BCAS3: variants seen among roughly 807,000 people sequenced by gnomAD.
The protein encoded by BCAS3 is BCAS4/BCAS3 fusion.
In BCAS3, 53 loss-of-function variants were observed where a neutral mutation model predicts 116.1. The observed-to-expected ratio is 0.46, with a 90% CI of 0.37 to 0.57. The LOEUF is 0.57. Ranked by LOEUF, BCAS3 falls within the 20% of genes least tolerant of loss-of-function variation. The pLI is 0.00. For missense variants in BCAS3, 917 were observed against 1,165.4 expected (o/e 0.79, Z 3.10); for synonymous variants, 391 against 408.2 (o/e 0.96, Z 0.51).
intron 22 of BCAS3, among the ~76,000 whole-genome samples, chr17:61,321,515 C>T (rs907622919): frequency 6.6e-6 from 1 of 152,160 alleles, no homozygotes; most frequent in African/African-American, 2.4e-5. Flanking sequence ...CATTTGATGT[C>T]GGGCGGTAAG....
chr17:60,768,269 G>T (rs1015544554), intron 6 of BCAS3, among the ~76,000 whole-genome samples: 1 of 152,236 alleles, frequency 6.6e-6, no homozygotes, highest in Non-Finnish European at 1.5e-5. Flanking sequence ...TATTGATCAA[G>T]GATGTGTCTG....
intron 22 of BCAS3, among the ~76,000 whole-genome samples, chr17:61,271,646 G>A (rs996004245): frequency 5.0e-5 from 7 of 139,224 alleles, no homozygotes; most frequent in African/African-American, 1.9e-4. Context: ...TAGTAGAGAC[G>A]GGGTTTCACC....
chr17:61,359,602 T>C (rs771345252), intron 22 of BCAS3, among the ~76,000 whole-genome samples: 20 of 152,144 alleles, frequency 1.3e-4, no homozygotes, highest in Admixed American at 2.0e-4. Context: ...GTGATTTTCC[T>C]GCTTCAGCCT....
At chr17:61,165,290 G>A (rs1198728299) in intron 22 of BCAS3, among the ~76,000 whole-genome samples, 1 of 152,166 alleles carries the variant, frequency 6.6e-6, no homozygotes, top group African/African-American at 2.4e-5. Flanking sequence ...TTTCCTAAAA[G>A]GGTACTTAAC....
chr17:61,084,190 C>T lies in BCAS3; in HGVS notation c.2328-277C>T, dbSNP rs1258088948. 6.7e-6 allele frequency among the ~76,000 whole-genome samples: 1 copy of T among 148,418 alleles called. No individual in the cohort carries two copies. The highest frequency in any genetic ancestry group is 2.6e-5 in the African/African-American group (1 of 37,766). On this transcript the variant is annotated intron_variant, in intron 21 of 23. Coordinates refer to ENST00000407086, the MANE Select transcript of BCAS3 (RefSeq NM_017679.5). This position sits in a 1 kb window ranked among gnomAD's most constrained non-coding sequence, Gnocchi z 5.5. The stretch of plus-strand genomic sequence containing the variant: ...TCCTCTCCCATTCTACTTATTGTAT[C>T]CCTTTAAATTAATGTCAGCTTTTCA...
At chr17:60,854,177 C>T (rs1387769544) in intron 7 of BCAS3, among the ~76,000 whole-genome samples, 1 of 152,008 alleles carries the variant, frequency 6.6e-6, no homozygotes, top group African/African-American at 2.4e-5. Context: ...TGATAGTTTG[C>T]TGAGAATGAT....
At chr17:60,849,619 A>G (rs1055566356) in intron 7 of BCAS3, among the ~76,000 whole-genome samples, 4 of 152,200 alleles carry the variant, frequency 2.6e-5, no homozygotes, top group Non-Finnish European at 2.9e-5. Flanking sequence ...CTCAGGTTCA[A>G]CAGCAAGTGG....
chr17:61,141,534 G>A lies in BCAS3; in HGVS notation c.2425+56970G>A, dbSNP rs1405758506. Among the ~76,000 whole-genome samples, 1 of 152,068 alleles carries A rather than the reference G, an allele frequency of 6.6e-6. No individual in the cohort carries two copies. On this transcript the variant is annotated intron_variant, in intron 22 of 23. Coordinates refer to ENST00000407086, the MANE Select transcript of BCAS3 (RefSeq NM_017679.5). This position sits in a 1 kb window ranked among gnomAD's most constrained non-coding sequence, Gnocchi z 4.3. Reference sequence around the variant, plus strand: ...GATCACACCACAGCACTCCAGCCTGGGCGGCAGAGCGAGACCCTGTCTCAA... The same window carrying A: ...GATCACACCACAGCACTCCAGCCTGAGCGGCAGAGCGAGACCCTGTCTCAA...
chr17:60,981,981 T>C (rs986959984), intron 14 of BCAS3, among the ~76,000 whole-genome samples: 2 of 152,318 alleles, frequency 1.3e-5, no homozygotes, highest in Middle Eastern at 3.4e-3. Flanking sequence ...TTCAAATTGG[T>C]ATTTTAAATC....
intron 22 of BCAS3, among the ~76,000 whole-genome samples, chr17:61,133,485 A>G (rs1051559600): frequency 1.3e-5 from 2 of 152,208 alleles, no homozygotes; most frequent in Non-Finnish European, 2.9e-5. Flanking sequence ...CCAAGTTTGT[A>G]AGATTACTTC....
In BCAS3 at chr17:60,974,989, TTGCTTTTTTG is replaced by T. The variant is rs1568007183; in HGVS notation, c.1222-14980_1222-14971del. 2.8e-3 allele frequency among the ~76,000 whole-genome samples: 379 copies of T among 136,936 alleles called. 12 individuals carry two copies. The highest frequency in any genetic ancestry group is 0.013 in the African/African-American group (361 of 27,102). The allele number at this position is 136,936 out of a possible 152,430, so 89.8% of individuals were successfully genotyped here. A position where few individuals can be genotyped will look rare whatever the true frequency, so the allele number is the denominator to read the frequency against. The stretch of plus-strand genomic sequence containing the variant: ...AAGCCATTTGTTTTTTTTGTTTTTT[TTGCTTTTTTG>T]TTTTTTTTTTTTTGAGACGGAGTCT... On this transcript the variant is annotated intron_variant, in intron 14 of 23. Coordinates refer to ENST00000407086, the MANE Select transcript of BCAS3 (RefSeq NM_017679.5).
In BCAS3 at chr17:60,799,534, T is replaced by TG. The variant is rs2047536004; in HGVS notation, c.404-8470_404-8469insG. Among the ~76,000 whole-genome samples the TG allele has an allele frequency of 4.5e-5, 6 of 133,344 alleles. No homozygotes were observed. The South Asian group carries it at 1.4e-3, about 32-fold the overall frequency. 87.5% of individuals were successfully genotyped at this position (133,344 alleles called of 152,430 possible). A position where few individuals can be genotyped will look rare whatever the true frequency, so the allele number is the denominator to read the frequency against. On this transcript the variant is annotated intron_variant, in intron 6 of 23. Coordinates refer to ENST00000407086, the MANE Select transcript of BCAS3 (RefSeq NM_017679.5). ...TTGAGATTAGTGTTTGTTTTTTTTT[T>TG]TTTTTTTTTTTGGAGACAGAGTCGT...
chr17:61,353,854 CCT>C (rs1272179768), intron 22 of BCAS3: 1 of 152,192 alleles, frequency 6.6e-6, no homozygotes, highest in Non-Finnish European at 1.5e-5. Context: ...CCCAGGCAGC[CCT>C]CTGTTTCAGG....
intron 7 of BCAS3, among the ~76,000 whole-genome samples, chr17:60,863,689 G>A (rs2054350993): frequency 6.6e-6 from 1 of 152,060 alleles, no homozygotes; most frequent in East Asian, 1.9e-4. Context: ...AGGAATTAGA[G>A]GCTACAGTGA....
chr17:60,755,588 A>G (rs979411736), intron 6 of BCAS3, among the ~76,000 whole-genome samples: 8 of 152,216 alleles, frequency 5.3e-5, no homozygotes, highest in African/African-American at 1.9e-4. Flanking sequence ...CTCCATGTAC[A>G]TGATGTGTTT....
At chr17:61,081,651 G>A (rs1396779684) in intron 21 of BCAS3, among the ~76,000 whole-genome samples, 2 of 152,068 alleles carry the variant, frequency 1.3e-5, no homozygotes, top group African/African-American at 2.4e-5. Flanking sequence ...TGGGACCTTG[G>A]CTAAGACCCT....
intron 22 of BCAS3, chr17:61,245,326 A>G (rs1039322288): frequency 1.3e-5 from 2 of 152,172 alleles, no homozygotes; most frequent in East Asian, 1.9e-4. Context: ...TATGGGAACT[A>G]CAAGTCAAGA....
rs1049510150 is a variant in BCAS3 at position 60,804,963 on chromosome 17, G to A, written c.404-3041G>A. Among the ~76,000 whole-genome samples, 5 of 148,296 alleles carry A rather than the reference G, an allele frequency of 3.4e-5. No individual in the cohort carries two copies. In the South Asian group the frequency reaches 1.1e-3, roughly 31 times the overall value. The stretch of plus-strand genomic sequence containing the variant: ...GATCCTGTGATGTAAACTAATTTGA[G>A]TGTCGGGTTTTTTTTTTTCCCCCAA... On this transcript the variant is annotated intron_variant, in intron 6 of 23. Coordinates refer to ENST00000407086, the MANE Select transcript of BCAS3 (RefSeq NM_017679.5).
chr17:61,170,295 T>G (rs749760479), intron 22 of BCAS3, among the ~76,000 whole-genome samples: 49 of 151,134 alleles, frequency 3.2e-4, no homozygotes, highest in Non-Finnish European at 5.8e-4. Flanking sequence ...TTTGTTTTTG[T>G]TTTTTGGTTT....
Sources: allele counts gnomAD v4.1 joint callset (sites outside exome capture counted in the v4.1 genomes callset), GRCh38; gene constraint gnomAD v4.1.1; non-coding constraint Gnocchi (gnomAD v3.1); transcripts MANE v1.5; gene names NCBI Gene and HGNC (gene_info 2026-07-23, HGNC 2026-07-21).